RBFOX1: variants seen among roughly 807,000 people sequenced by gnomAD.
RBFOX1 encodes RNA binding fox-1 homolog 1.
Under a neutral mutation model 57.7 loss-of-function variants are expected in RBFOX1, and 8 were observed. The ratio of observed to expected loss-of-function variants is 0.14; its 90% confidence interval spans 0.08 to 0.25. The LOEUF (loss-of-function observed/expected upper bound fraction) is 0.25, where lower values mean the gene tolerates loss of function less well. RBFOX1 is among the 10% of genes least tolerant of loss of function. The pLI is 1.00. For synonymous variants in RBFOX1, 326 were observed against 222.4 expected (o/e 1.47, Z -4.15); for missense variants, 611 against 548.5 (o/e 1.11, Z -1.14).
At chr16:6,667,270 G>A (rs1002648089) in intron 3 of RBFOX1, among the ~76,000 whole-genome samples, 3 of 152,166 alleles carry the variant, frequency 2.0e-5, no homozygotes, top group Non-Finnish European at 2.9e-5. Flanking sequence ...GTAACCCAGA[G>A]AGTGTAATGA....
chr16:6,979,158 C>T (rs923701193), intron 3 of RBFOX1, among the ~76,000 whole-genome samples: 1 of 152,132 alleles, frequency 6.6e-6, no homozygotes, highest in Non-Finnish European at 1.5e-5. Context: ...AATCTTAGTT[C>T]TAGTGTTGAT....
At chr16:6,233,673 A>G (rs2097483148) in intron 1 of RBFOX1, among the ~76,000 whole-genome samples, 1 of 152,088 alleles carries the variant, frequency 6.6e-6, no homozygotes, top group African/African-American at 2.4e-5. Flanking sequence ...CAGTAGAGCA[A>G]TCATAGCTCA....
At chr16:6,534,751 G>C (rs180748892) in intron 2 of RBFOX1, among the ~76,000 whole-genome samples, 3 of 152,278 alleles carry the variant, frequency 2.0e-5, no homozygotes, top group Admixed American at 2.0e-4. Flanking sequence ...AATTTTCTAA[G>C]GAGATGGCAT....
At chr16:6,320,834 C>G (rs900473807) in intron 2 of RBFOX1, among the ~76,000 whole-genome samples, 25 of 152,122 alleles carry the variant, frequency 1.6e-4, no homozygotes, top group African/African-American at 5.8e-4. Context: ...CACTCTGTTG[C>G]CCAGGCTGGA....
At chr16:6,921,416 T>TA (rs937564482) in intron 3 of RBFOX1, among the ~76,000 whole-genome samples, 14 of 152,228 alleles carry the variant, frequency 9.2e-5, no homozygotes, top group African/African-American at 3.1e-4. Flanking sequence ...TGGCACAATT[T>TA]ATTTCCTGTG....
At chr16:6,850,762 A>G (rs1008042315) in intron 3 of RBFOX1, among the ~76,000 whole-genome samples, 2 of 152,232 alleles carry the variant, frequency 1.3e-5, no homozygotes, top group East Asian at 1.9e-4. Context: ...AGATCACTCA[A>G]ATATTGCTGG....
chr16:5,247,003 G>A (rs2062318614), intron 1 of RBFOX1, among the ~76,000 whole-genome samples: 1 of 152,178 alleles, frequency 6.6e-6, no homozygotes, highest in African/African-American at 2.4e-5. Context: ...ACATATAAGT[G>A]AGATCAGGTG....
At chr16:7,492,784 G>C (rs149951994) in intron 4 of RBFOX1, among the ~76,000 whole-genome samples, 15 of 151,916 alleles carry the variant, frequency 9.9e-5, no homozygotes. Context: ...CTCTTGCCCC[G>C]ACTCTCACCA....
intron 1 of RBFOX1, among the ~76,000 whole-genome samples, chr16:6,280,936 A>G (rs1766456834): frequency 6.6e-6 from 1 of 150,798 alleles, no homozygotes; most frequent in South Asian, 2.1e-4. Context: ...TCTGCATGCT[A>G]GCAATGCTAG....
At chr16:6,582,461 A>ATTTTTT (rs5815331) in intron 2 of RBFOX1, among the ~76,000 whole-genome samples, 7 of 147,016 alleles carry the variant, frequency 4.8e-5, no homozygotes, top group Non-Finnish European at 8.9e-5. Context: ...GTTAGCGCCA[A>ATTTTTT]TTTTTTTTTT....
At chr16:5,370,255 G>A (rs1292583739) in intron 1 of RBFOX1, among the ~76,000 whole-genome samples, 2 of 152,116 alleles carry the variant, frequency 1.3e-5, no homozygotes, top group African/African-American at 2.4e-5. Context: ...GGCATTGAAA[G>A]CACAACAGAC....
At chr16:5,341,803 G>A (rs188667141) in intron 1 of RBFOX1, among the ~76,000 whole-genome samples, 1 of 152,302 alleles carries the variant, frequency 6.6e-6, no homozygotes, top group East Asian at 1.9e-4. Flanking sequence ...CTTTATGGAA[G>A]GGGAACACGG....
intron 3 of RBFOX1, among the ~76,000 whole-genome samples, chr16:6,977,132 GAT>G (rs1046923979): frequency 1.5e-5 from 2 of 130,104 alleles, no homozygotes; most frequent in East Asian, 2.3e-4. Flanking sequence ...TCATATATAT[GAT>G]ATATATTATA....
At position 5,663,987 on chromosome 16, in the gene RBFOX1, C is replaced by T. The variant is rs79870633; in HGVS notation, c.318+65026C>T. 5.4e-3 allele frequency among the ~76,000 whole-genome samples: 825 copies of T among 152,214 alleles called. 6 individuals carry two copies. Among genetic ancestry groups the T allele is most frequent in the African/African-American group, 0.019 (793 of 41,512 alleles). On this transcript the variant is annotated intron_variant, in intron 3 of 19. Transcript: ENST00000641259. Reference sequence around the variant, plus strand: ...ATATTCCGGCCATGGCGAAATTCCTCAGTATGAACATCAGAGCTGCTCCTG... The same window carrying T: ...ATATTCCGGCCATGGCGAAATTCCTTAGTATGAACATCAGAGCTGCTCCTG...
intron 1 of RBFOX1, among the ~76,000 whole-genome samples, chr16:6,168,639 A>T (rs1344436787): frequency 6.6e-6 from 1 of 152,130 alleles, no homozygotes; most frequent in Admixed American, 6.5e-5. Flanking sequence ...GACCTTTAGA[A>T]CTTTCTGATA....
At chr16:7,357,161 C>G (rs968238245) in intron 4 of RBFOX1, among the ~76,000 whole-genome samples, 1 of 150,958 alleles carries the variant, frequency 6.6e-6, no homozygotes, top group Non-Finnish European at 1.5e-5. Flanking sequence ...CATGTAGGAA[C>G]ACAAGGATTT....
rs144447037 is a variant in RBFOX1 at position 6,801,285 on chromosome 16, C to T, written c.-16+146635C>T. 7.5e-3 allele frequency among the ~76,000 whole-genome samples: 1,133 copies of T among 151,708 alleles called. 3 individuals are homozygous for T. The highest frequency in any genetic ancestry group is 0.028 in the Middle Eastern group (8 of 290). On this transcript the variant is annotated intron_variant, in intron 3 of 15. Transcript: ENST00000550418. Reference sequence around the variant, plus strand: ...TGGGAAGTGTGATGATGATTTTGTCCTTTAGAACATATAAATGGGATCTAC... The same window carrying T: ...TGGGAAGTGTGATGATGATTTTGTCTTTTAGAACATATAAATGGGATCTAC...
chr16:7,582,823 C>T (rs187022057), intron 6 of RBFOX1, among the ~76,000 whole-genome samples: 14 of 152,298 alleles, frequency 9.2e-5, no homozygotes, highest in South Asian at 8.3e-4. Context: ...CTTTTCCCCC[C>T]CTTTGTCTCT....
At chr16:7,076,458 A>T (rs537530499) in intron 4 of RBFOX1, among the ~76,000 whole-genome samples, 1 of 152,280 alleles carries the variant, frequency 6.6e-6, no homozygotes, top group Non-Finnish European at 1.5e-5. Context: ...AGAAAATAGG[A>T]TATACCAGAT....
Sources: gnomAD v4.1 joint callset for allele counts (sites outside exome capture counted in the v4.1 genomes callset) on GRCh38, gnomAD v4.1.1 for gene constraint, MANE v1.5 for transcripts, NCBI Gene and HGNC (gene_info 2026-07-23, HGNC 2026-07-21) for gene names.